TPH2: variants seen among roughly 807,000 people sequenced by gnomAD.
The protein encoded by TPH2 is tryptophan hydroxylase 2, also known as tryptophan 5-hydroxylase 2.
A neutral mutation model predicts 59.1 loss-of-function variants in TPH2; 27 were observed. That is an observed-to-expected ratio of 0.46 (90% CI 0.34 to 0.63). The LOEUF (loss-of-function observed/expected upper bound fraction) is 0.63. TPH2 is among the 30% of genes least tolerant of loss of function. The pLI, the probability that TPH2 is intolerant of heterozygous loss-of-function variation, is 0.01. For missense variants in TPH2, 523 were observed against 588.3 expected (o/e 0.89, Z 1.15); for synonymous variants, 220 against 210.5 (o/e 1.05, Z -0.39).
At chr12:72,004,788 TA>T (rs1872910147) in intron 8 of TPH2, among the ~76,000 whole-genome samples, 1 of 152,198 alleles carries the variant, frequency 6.6e-6, no homozygotes, top group Non-Finnish European at 1.5e-5. Context: ...TATCAAACTA[TA>T]GGGATTTAAT....
chr12:72,022,908 C>A (rs1232902902), intron 9 of TPH2, among the ~76,000 whole-genome samples: 1 of 152,202 alleles, frequency 6.6e-6, no homozygotes, highest in Non-Finnish European at 1.5e-5. Flanking sequence ...CCAGCATCTA[C>A]TTCCTAAAAG....
chr12:71,979,065 G>C lies in TPH2; in HGVS notation c.919G>C (p.Asp307His). 1 of 1,614,122 alleles carries C rather than the reference G, an allele frequency of 6.2e-7. No homozygotes were observed. Among genetic ancestry groups the C allele is most frequent in the East Asian group, 2.2e-5 (1 of 44,878 alleles). Residue 307 changes from aspartate (D) to histidine (H), a missense_variant, in exon 7 of 11, where the codon GAT (aspartate) becomes CAT (histidine). Physicochemically the swap from Asp to His is moderately conservative, Grantham distance 81. Transcript: ENST00000333850. ...HCTQYIRHGS[D>H]PLYTPEPDTC... ...TACCCAGTACATCCGGCATGGCTCA[G>C]ATCCCCTCTACACCCCAGAACCGTG...
intron 8 of TPH2, among the ~76,000 whole-genome samples, chr12:72,000,349 A>G (rs1391533210): frequency 6.6e-6 from 1 of 152,184 alleles, no homozygotes; most frequent in Non-Finnish European, 1.5e-5. Flanking sequence ...CAGTCTGTGG[A>G]CCCTAATCAA....
chr12:72,018,096 G>A (rs779114695), intron 8 of TPH2, among the ~76,000 whole-genome samples: 2 of 152,158 alleles, frequency 1.3e-5, no homozygotes, highest in Non-Finnish European at 2.9e-5. Flanking sequence ...AGACTAAAAG[G>A]TCTAATTCTC....
At chr12:72,024,206 G>T (rs1382972998) in intron 9 of TPH2, among the ~76,000 whole-genome samples, 2 of 152,218 alleles carry the variant, frequency 1.3e-5, no homozygotes, top group African/African-American at 4.8e-5. Context: ...ATTAGGCCAT[G>T]CCTGAGAAGC....
Position 72,031,326 on chromosome 12 carries a change from T to C in TPH2, c.1233T>C (p.Leu411=). ...DPKTTCLQEC[L]ITTFQEAYFV... is the part of the protein sequence containing the mutation. ...AGACAACTTGCTTACAGGAATGCCT[T>C]ATCACCACCTTCCAGGAAGCCTACT... Residue 411 remains leucine, a synonymous_variant, in exon 10 of 11, where the codon CTT becomes CTC. Transcript: ENST00000333850. 2.5e-6 allele frequency: 4 copies of C among 1,613,714 alleles called. No individual in the cohort carries two copies. The highest frequency in any genetic ancestry group is 3.4e-6 in the Non-Finnish European group (4 of 1,179,662).
At chr12:71,957,896 C>T (rs149248049) in intron 5 of TPH2, among the ~76,000 whole-genome samples, 77 of 152,340 alleles carry the variant, frequency 5.1e-4, no homozygotes, top group African/African-American at 1.7e-3. Flanking sequence ...CCCTGAATGG[C>T]TCATTTTGGT....
intron 7 of TPH2, among the ~76,000 whole-genome samples, chr12:71,981,983 C>G (rs1043925016): frequency 3.9e-5 from 5 of 128,286 alleles, no homozygotes; most frequent in African/African-American, 1.2e-4. Context: ...TTTTACAAGC[C>G]CTTTATTTTT....
intron 8 of TPH2, among the ~76,000 whole-genome samples, chr12:72,006,131 T>C (rs1217292257): frequency 6.6e-6 from 1 of 152,124 alleles, no homozygotes; most frequent in Non-Finnish European, 1.5e-5. Context: ...CAGTATAGTA[T>C]AGTGGGTAAT....
intron 7 of TPH2, among the ~76,000 whole-genome samples, chr12:71,991,568 A>G (rs1352361237): frequency 6.6e-6 from 1 of 152,208 alleles, no homozygotes; most frequent in Non-Finnish European, 1.5e-5. Flanking sequence ...GGAGATCTTT[A>G]GCATTTACAT....
chr12:71,945,421 T>C (rs1391386942), intron 4 of TPH2, among the ~76,000 whole-genome samples: 3 of 152,044 alleles, frequency 2.0e-5, no homozygotes, highest in East Asian at 3.9e-4. Flanking sequence ...CCATTCATTA[T>C]AGGCATTTTT....
At chr12:71,981,984 C>T (rs79897416) in intron 7 of TPH2, among the ~76,000 whole-genome samples, 8,072 of 128,230 alleles carry the variant, frequency 0.063, 851 homozygotes, top group African/African-American at 0.22. Flanking sequence ...TTTACAAGCC[C>T]TTTATTTTTT....
chr12:71,953,162 C>T (rs1871397833), intron 5 of TPH2, among the ~76,000 whole-genome samples: 2 of 144,290 alleles, frequency 1.4e-5, no homozygotes, highest in South Asian at 4.3e-4. Flanking sequence ...CTTTTCCCTG[C>T]TTTTTTTTTT....
chr12:71,953,846 A>G (rs543843470), intron 5 of TPH2, among the ~76,000 whole-genome samples: 1 of 152,340 alleles, frequency 6.6e-6, no homozygotes, highest in South Asian at 2.1e-4. Context: ...GACAAGAAGA[A>G]GAAGTCAAAC....
intron 8 of TPH2, among the ~76,000 whole-genome samples, chr12:71,999,699 T>A (rs1381481685): frequency 6.6e-6 from 1 of 152,204 alleles, no homozygotes; most frequent in Non-Finnish European, 1.5e-5. Context: ...AACTGGAGAA[T>A]GTATATATTA....
intron 7 of TPH2, among the ~76,000 whole-genome samples, chr12:71,987,826 T>A (rs1037225553): frequency 4.6e-5 from 7 of 152,214 alleles, no homozygotes; most frequent in Non-Finnish European, 7.3e-5. Context: ...CACTCCAGCC[T>A]GGGTGATAAG....
intron 5 of TPH2, among the ~76,000 whole-genome samples, chr12:71,957,327 ATT>A (rs35425528): frequency 7.2e-3 from 686 of 95,578 alleles, no homozygotes; most frequent in African/African-American, 0.026. Flanking sequence ...TGAGTAAAGG[ATT>A]TTTTTTTTTT....
intron 9 of TPH2, among the ~76,000 whole-genome samples, chr12:72,023,808 G>A (rs1873491842): frequency 1.1e-5 from 1 of 91,878 alleles, no homozygotes; most frequent in African/African-American, 4.2e-5. Context: ...TGGGAACAGA[G>A]GAGACTCTGA....
intron 6 of TPH2, among the ~76,000 whole-genome samples, chr12:71,976,096 C>A (rs1872110510): frequency 6.6e-6 from 1 of 152,206 alleles, no homozygotes; most frequent in Admixed American, 6.5e-5. Flanking sequence ...CCACTCTGCC[C>A]CTTCCTAGCT....
Sources: allele counts gnomAD v4.1 joint callset (sites outside exome capture counted in the v4.1 genomes callset), GRCh38; gene constraint gnomAD v4.1.1; transcripts MANE v1.5; gene names NCBI Gene and HGNC (gene_info 2026-07-23, HGNC 2026-07-21).